Variants in COL19A1 observed in about 807,000 individuals in gnomAD.
COL19A1 encodes the protein collagen alpha-1(XIX) chain.
COL19A1 carries 159 observed loss-of-function variants against 190.2 expected under a neutral mutation model. The observed-to-expected ratio is 0.84, with a 90% CI of 0.73 to 0.95. The LOEUF is 0.95. COL19A1 is among the 40% of genes least tolerant of loss of function. COL19A1 has a pLI of 0.00. For synonymous variants in COL19A1, 509 were observed against 458.9 expected, an observed-to-expected ratio of 1.11 and a Z score of -1.39; for missense variants, 1,418 against 1,431.9, an observed-to-expected ratio of 0.99 and a Z score of 0.16.
chr6:69,871,838 G>A (rs939518423), intron 1 of COL19A1, among the ~76,000 whole-genome samples: 9 of 138,310 alleles, frequency 6.5e-5, no homozygotes, highest in African/African-American at 1.1e-4. Context: ...TTTTTGAAAC[G>A]GAGTCTTGCT....
At position 69,873,569 on chromosome 6, in the gene COL19A1, A is replaced by G. The variant is rs145354010; in HGVS notation, c.-32-5967A>G. The stretch of plus-strand genomic sequence containing the variant: ...ACTTGACATGGACTTTCAAGACTTT[A>G]TGAAGGTATTTGCTGAAGAAAAATG... On this transcript the variant is annotated intron_variant, in intron 1 of 50. Coordinates refer to ENST00000620364, the MANE Select transcript of COL19A1 (RefSeq NM_001858.6). 1.1e-4 allele frequency among the ~76,000 whole-genome samples: 16 copies of G among 152,376 alleles called. 1 individual carries two copies. The highest frequency in any genetic ancestry group is 3.8e-4 in the African/African-American group (16 of 41,590).
At chr6:69,999,864 TA>T (rs1777146010) in intron 11 of COL19A1, among the ~76,000 whole-genome samples, 2 of 152,176 alleles carry the variant, frequency 1.3e-5, no homozygotes, top group African/African-American at 4.8e-5. Flanking sequence ...ACTATATATG[TA>T]TTTTTTTAAT....
At chr6:69,953,851 A>G (rs576741054) in intron 9 of COL19A1, among the ~76,000 whole-genome samples, 38 of 152,134 alleles carry the variant, frequency 2.5e-4, no homozygotes, top group Middle Eastern at 3.4e-3. Flanking sequence ...GAAAGCTCAC[A>G]CACTCTGTGT....
At chr6:70,002,880 C>A (rs1313545665) in intron 11 of COL19A1, among the ~76,000 whole-genome samples, 1 of 149,540 alleles carries the variant, frequency 6.7e-6, no homozygotes, top group Non-Finnish European at 1.5e-5. Flanking sequence ...GTCTCTATCT[C>A]CTTCAATTCT....
intron 1 of COL19A1, among the ~76,000 whole-genome samples, chr6:69,879,056 G>A (rs1352954648): frequency 1.3e-5 from 2 of 152,116 alleles, no homozygotes; most frequent in Admixed American, 6.5e-5. Context: ...AGGAAAATGG[G>A]AAATTATTTT....
At chr6:70,016,366 TAA>T (rs752043571) in intron 11 of COL19A1, among the ~76,000 whole-genome samples, 47 of 37,632 alleles carry the variant, frequency 1.2e-3, no homozygotes, top group East Asian at 6.3e-3. Context: ...TAGAGTATAA[TAA>T]AAAAAAAAAA....
At chr6:70,156,071 A>G in intron 31 of COL19A1, 56 bp from the exon 32 acceptor site, 1 of 1,506,430 alleles carries the variant, frequency 6.6e-7, no homozygotes, top group Non-Finnish European at 9.0e-7. Flanking sequence ...ATGAAACCTC[A>G]CCTTTATAGA....
intron 42 of COL19A1, among the ~76,000 whole-genome samples, chr6:70,177,773 C>T (rs1474739310): frequency 6.6e-6 from 1 of 152,212 alleles, no homozygotes; most frequent in Non-Finnish European, 1.5e-5. Flanking sequence ...TCCTCTTATA[C>T]TCACATCCTG....
chr6:69,983,905 T>A (rs12110870), intron 11 of COL19A1, among the ~76,000 whole-genome samples: 31,678 of 151,622 alleles, frequency 0.21, 5,580 homozygotes, highest in African/African-American at 0.47. Context: ...AAATTTAAGA[T>A]TTTTTTTTCT....
At chr6:70,109,122 C>A (rs545262233) in intron 16 of COL19A1, among the ~76,000 whole-genome samples, 1 of 152,040 alleles carries the variant, frequency 6.6e-6, no homozygotes, top group South Asian at 2.1e-4. Context: ...GGTTAATAAG[C>A]AGTTAAATAA....
At chr6:69,981,883 A>G (rs977717849) in intron 11 of COL19A1, among the ~76,000 whole-genome samples, 4 of 152,178 alleles carry the variant, frequency 2.6e-5, no homozygotes, top group African/African-American at 9.6e-5. Context: ...GGATTTATAT[A>G]AAATTACAAA....
At chr6:69,891,794 AC>A (rs1389944998) in intron 2 of COL19A1, among the ~76,000 whole-genome samples, 2 of 152,222 alleles carry the variant, frequency 1.3e-5, no homozygotes, top group Non-Finnish European at 2.9e-5. Context: ...CATCCATGAA[AC>A]AGGAAGCTAG....
At chr6:70,147,287 G>A (rs1489653044) in intron 27 of COL19A1, among the ~76,000 whole-genome samples, 1 of 152,126 alleles carries the variant, frequency 6.6e-6, no homozygotes, top group Admixed American at 6.6e-5. Flanking sequence ...GTATGCATAA[G>A]TGAAATGACA....
chr6:69,929,503 A>G lies in COL19A1; in HGVS notation c.469A>G (p.Ile157Val). 1.2e-6 allele frequency: 2 copies of G among 1,614,054 alleles called. No individual in the cohort carries two copies. The highest frequency in any genetic ancestry group is 8.5e-7 in the Non-Finnish European group (1 of 1,179,954). The change falls in exon 6 of 51, where the codon ATT becomes GTT. Residue 157 changes from isoleucine (I) to valine (V), a missense_variant. By Grantham distance (29) the Ile-to-Val change is conservative. Coordinates refer to ENST00000620364, the MANE Select transcript of COL19A1 (RefSeq NM_001858.6). Reference sequence around the variant, plus strand: ...CACAGAGGGAGATGTGTTGAACTACATTTTTAGAAATCGAGAACTCCGTCC... The same window carrying G: ...CACAGAGGGAGATGTGTTGAACTACGTTTTTAGAAATCGAGAACTCCGTCC... Reference protein sequence around the residue: ...QATEGDVLNYIFRNRELRPLF... With the variant: ...QATEGDVLNYVFRNRELRPLF...
chr6:69,998,663 A>C (rs1191065483), intron 11 of COL19A1, among the ~76,000 whole-genome samples: 1 of 150,292 alleles, frequency 6.7e-6, no homozygotes, highest in African/African-American at 2.4e-5. Flanking sequence ...AAAAAAAAAA[A>C]GACAGAAAAA....
chr6:70,101,840 G>A lies in COL19A1; in HGVS notation c.1225-329G>A, dbSNP rs550542628. 5.9e-5 allele frequency among the ~76,000 whole-genome samples: 9 copies of A among 152,136 alleles called. No homozygotes were observed. The South Asian group carries it at 1.0e-3, about 18-fold the overall frequency. On this transcript the variant is annotated intron_variant, in intron 15 of 50. Coordinates refer to ENST00000620364, the MANE Select transcript of COL19A1 (RefSeq NM_001858.6). ...GACAGATGTACTTGTTATTGCATCC[G>A]AAACCACAGAATCATCAGATAAAAT...
At chr6:70,010,029 G>A (rs2150093787) in intron 11 of COL19A1, among the ~76,000 whole-genome samples, 1 of 152,180 alleles carries the variant, frequency 6.6e-6, no homozygotes, top group East Asian at 1.9e-4. Context: ...GTGACTTTAG[G>A]TTAGGCATAG....
chr6:70,063,307 A>T (rs12190764), intron 14 of COL19A1, among the ~76,000 whole-genome samples: 1 of 151,246 alleles, frequency 6.6e-6, no homozygotes, highest in Non-Finnish European at 1.5e-5. Context: ...CAATCAAACT[A>T]GAACTCAGGA....
intron 16 of COL19A1, 24 bp from the exon 17 acceptor site, chr6:70,121,856 G>C: frequency 6.9e-7 from 1 of 1,439,592 alleles, no homozygotes; most frequent in Middle Eastern, 2.1e-4. Flanking sequence ...GTATATATTT[G>C]TCTTTGATTT....
Sources: gnomAD v4.1 joint callset for allele counts (sites outside exome capture counted in the v4.1 genomes callset) on GRCh38, gnomAD v4.1.1 for gene constraint, MANE v1.5 for transcripts, NCBI Gene and HGNC (gene_info 2026-07-23, HGNC 2026-07-21) for gene names.